Variants in ZDHHC16 observed in about 807,000 individuals in gnomAD.
ZDHHC16 encodes the protein zDHHC palmitoyltransferase 16.
In ZDHHC16, 33 loss-of-function variants were observed where a neutral mutation model predicts 54.4. That is an observed-to-expected ratio of 0.61 (90% CI 0.46 to 0.81). The LOEUF is 0.81. Ranked by LOEUF, ZDHHC16 falls within the 30% of genes least tolerant of loss-of-function variation. ZDHHC16 has a pLI of 0.00. For synonymous variants in ZDHHC16, 185 were observed against 182.1 expected (o/e 1.02, Z -0.13); for missense variants, 420 against 485.9 (o/e 0.86, Z 1.28).
chr10:97,452,996 A>AT, intron 6 of ZDHHC16, 73 bp downstream of exon 6: 2 of 1,592,032 alleles, frequency 1.3e-6, no homozygotes, highest in Non-Finnish European at 1.7e-6. Flanking sequence ...AATGGCCACC[A>AT]TTTTAGCATC....
At chr10:97,454,231 G>GC (rs951040283) in intron 8 of ZDHHC16, among the ~76,000 whole-genome samples, 15 of 152,168 alleles carry the variant, frequency 9.9e-5, no homozygotes, top group Non-Finnish European at 1.8e-4. Flanking sequence ...GATCATCCCT[G>GC]CCCCCCCAGT....
At chr10:97,454,839 GA>G (rs764713646) in intron 9 of ZDHHC16, 40 bp downstream of exon 9, 1 of 1,601,708 alleles carries the variant, frequency 6.2e-7, no homozygotes, top group Non-Finnish European at 8.5e-7. Context: ...GGAAGCTTCA[GA>G]AAAAAAGTTT....
rs1049035899 is a variant in ZDHHC16, at chr10:97,446,263, G to C, written c.-276G>C. 2 of 545,342 alleles carry C rather than the reference G, an allele frequency of 3.7e-6. No homozygotes were observed. Among genetic ancestry groups the C allele is most frequent in the African/African-American group, 3.9e-5 (2 of 51,468 alleles). The allele number at this position is 545,342 out of a possible 1,614,324, so 33.8% of individuals were successfully genotyped here. A position where few individuals can be genotyped will look rare whatever the true frequency, so the allele number is the denominator to read the frequency against. On this transcript the variant is annotated 5_prime_UTR_variant, in exon 1 of 12. Transcript: ENST00000393760. ...TGGTGGTTTGGATTGAGCCGGGCCC[G>C]GCCGGGGCGCCGAGTCGGAGGGGGT...
At chr10:97,453,942 G>A (rs1303535565) in intron 8 of ZDHHC16, 96 bp downstream of exon 8, 13 of 1,558,398 alleles carry the variant, frequency 8.3e-6, no homozygotes, top group Non-Finnish European at 1.1e-5. Context: ...TAGTTGTAGA[G>A]GCTGCCGAGA....
At chr10:97,451,415 A>G (rs1846596333) in intron 2 of ZDHHC16, among the ~76,000 whole-genome samples, 1 of 152,194 alleles carries the variant, frequency 6.6e-6, no homozygotes, top group Non-Finnish European at 1.5e-5. Context: ...TTGCTATGCA[A>G]CCATGTGGTG....
At chr10:97,452,786 T>G in intron 5 of ZDHHC16, 109 bp from the exon 6 acceptor site, 2 of 1,465,814 alleles carry the variant, frequency 1.4e-6, no homozygotes, top group Non-Finnish European at 1.9e-6. Context: ...GTCTTCAAAG[T>G]CTGTGCCCTT....
chr10:97,452,312 A>G (rs1846716994), intron 4 of ZDHHC16, 28 bp downstream of exon 4: 22 of 1,613,332 alleles, frequency 1.4e-5, no homozygotes, highest in Non-Finnish European at 1.8e-5. Context: ...CACTGGGGGA[A>G]GTTGCTGGCT....
In ZDHHC16 at chr10:97,452,414, G is replaced by C. The variant is rs1289734656; in HGVS notation, c.439-1G>C. The C allele has an allele frequency of 6.2e-7, 1 of 1,614,090 alleles. No homozygotes were observed. Among genetic ancestry groups the C allele is most frequent in the Non-Finnish European group, 8.5e-7 (1 of 1,179,984 alleles). Reference sequence around the variant, plus strand: ...CCACGTTATGCTCTCCCTTCACACAGGGCAGGAATGATATCGCCACCGTCT... The same window carrying C: ...CCACGTTATGCTCTCCCTTCACACACGGCAGGAATGATATCGCCACCGTCT... On this transcript the variant is annotated splice_acceptor_variant, in intron 4 of 11. Coordinates refer to ENST00000393760, the MANE Select transcript of ZDHHC16 (RefSeq NM_198046.3). LOFTEE classifies it high-confidence loss of function.
chr10:97,455,557 G>A lies in ZDHHC16; in HGVS notation c.825-103G>A, dbSNP rs187978002. ...ATGGTGGGAGGTGAGGAAGACTTAGGTAGAGAGGTTCCAAACCAGTTGTTA... is the reference window on the plus strand; with the variant it reads ...ATGGTGGGAGGTGAGGAAGACTTAGATAGAGAGGTTCCAAACCAGTTGTTA... On this transcript the variant is annotated intron_variant, in intron 9 of 11. Coordinates refer to ENST00000393760, the MANE Select transcript of ZDHHC16 (RefSeq NM_198046.3). The A allele has an allele frequency of 5.7e-4, 911 of 1,585,678 alleles. 4 individuals carry two copies. The highest frequency in any genetic ancestry group is 3.0e-3 in the Middle Eastern group (18 of 5,952).
rs1474507861 is a variant in ZDHHC16, at chr10:97,450,456, T to G, written c.-86T>G. 4.6e-5 allele frequency: 7 copies of G among 152,262 alleles called. No homozygotes were observed. The highest frequency in any genetic ancestry group is 7.3e-5 in the Non-Finnish European group (5 of 68,060). The allele number at this position is 152,262 out of a possible 1,614,324, so 9.4% of individuals were successfully genotyped here. ...TGGAGCAGCCTCCTCCAGTTTCTGT[T>G]GGGTTTTGAGCTACCTGTTAAATAA... On this transcript the variant is annotated 5_prime_UTR_variant, in exon 2 of 12. Transcript: ENST00000393760.
At chr10:97,454,539 A>T (rs886751838) in intron 8 of ZDHHC16, among the ~76,000 whole-genome samples, 175 bp from the exon 9 acceptor site, 3 of 152,138 alleles carry the variant, frequency 2.0e-5, no homozygotes, top group African/African-American at 7.2e-5. Context: ...GTGTTTGTCC[A>T]TGTGGTGATG....
intron 8 of ZDHHC16, among the ~76,000 whole-genome samples, chr10:97,454,259 A>C (rs988074586): frequency 9.2e-5 from 14 of 152,126 alleles, no homozygotes; most frequent in Non-Finnish European, 1.6e-4. Flanking sequence ...AGGACTCCCT[A>C]ATCTGCTGAG....
At chr10:97,446,594 G>A (rs1049391660) in intron 1 of ZDHHC16, among the ~76,000 whole-genome samples, 1 of 152,282 alleles carries the variant, frequency 6.6e-6, no homozygotes, top group Non-Finnish European at 1.5e-5. Context: ...TTCAGAGACA[G>A]GGTTTGACTT....
rs759828597 is a variant in ZDHHC16 at position 97,451,947 on chromosome 10, G to A, written c.243+29G>A. 2.5e-6 allele frequency: 4 copies of A among 1,594,832 alleles called. No individual in the cohort carries two copies. In the East Asian group the frequency reaches 9.0e-5, roughly 36 times the overall value. On this transcript the variant is annotated intron_variant, in intron 3 of 11. Transcript: ENST00000393760. ...AGTGATGTCCAGGGAGCAGGAAAAG[G>A]GGTGTTGTGGGGAGCAGAGGGACAT...
At position 97,456,822 on chromosome 10, in the gene ZDHHC16, T is replaced by A. The variant is rs748969115; in HGVS notation, c.1065T>A (p.His355Gln). 1 of 1,613,748 alleles carries A rather than the reference T, an allele frequency of 6.2e-7. No individual in the cohort carries two copies. The highest frequency in any genetic ancestry group is 1.3e-5 in the African/African-American group (1 of 74,912). The part of the protein sequence containing the change: ...RVLLPSSHLP[H>Q]GNGMSWEPPP... Reference sequence around the variant, plus strand: ...TCTTACCTTCTAGTCACTTGCCCCATGGGAATGGAATGAGCTGGGAGCCCC... The same window carrying A: ...TCTTACCTTCTAGTCACTTGCCCCAAGGGAATGGAATGAGCTGGGAGCCCC... The change falls in exon 12 of 12, where the codon CAT becomes CAA. Residue 355 changes from histidine to glutamine, a missense_variant. His to Gln is a conservative substitution (Grantham distance 24). Transcript: ENST00000393760.
intron 7 of ZDHHC16, 33 bp downstream of exon 7, chr10:97,453,696 T>C (rs368982566): frequency 3.5e-5 from 57 of 1,614,114 alleles, no homozygotes; most frequent in Non-Finnish European, 4.6e-5. Flanking sequence ...AGCTCAGTAG[T>C]GCAGAACTTC....
chr10:97,454,731 A>G lies in ZDHHC16; in HGVS notation c.756A>G (p.Pro252=). ...AVANQTYHQT[P]PPTFSFRERM... Reference sequence around the variant, plus strand: ...TTTTCTAGACTTATCACCAGACCCCACCACCCACCTTCTCCTTTCGAGAAA... The same window carrying G: ...TTTTCTAGACTTATCACCAGACCCCGCCACCCACCTTCTCCTTTCGAGAAA... The change falls in exon 9 of 12, where the codon CCA becomes CCG. Residue 252 remains proline, a synonymous_variant. Transcript: ENST00000393760. 1 of 1,614,070 alleles carries G rather than the reference A, an allele frequency of 6.2e-7. No individual in the cohort carries two copies. The highest frequency in any genetic ancestry group is 8.5e-7 in the Non-Finnish European group (1 of 1,179,992).
At chr10:97,454,873 G>A in intron 9 of ZDHHC16, 74 bp downstream of exon 9, 1 of 1,317,192 alleles carries the variant, frequency 7.6e-7, no homozygotes, top group Non-Finnish European at 1.1e-6. Context: ...CACGCAGGCA[G>A]AAACCCATTC....
rs1271450365 is a variant in ZDHHC16 at position 97,451,732 on chromosome 10, T to G, written c.57T>G (p.Leu19=). ...LGPARLCLRL[L]LLLGYRRRCP... ...CGGCCCGCCTCTGCCTCCGCCTCCTTCTGCTGCTGGGTTACAGGCGCCGCT... is the reference window on the plus strand; with the variant it reads ...CGGCCCGCCTCTGCCTCCGCCTCCTGCTGCTGCTGGGTTACAGGCGCCGCT... Residue 19 remains leucine, a synonymous_variant, in exon 3 of 12, where the codon CTT becomes CTG. Coordinates refer to ENST00000393760, the MANE Select transcript of ZDHHC16 (RefSeq NM_198046.3). The G allele has an allele frequency of 2.5e-6, 4 of 1,613,488 alleles. No homozygotes were observed. Among genetic ancestry groups the G allele is most frequent in the Non-Finnish European group, 2.5e-6 (3 of 1,180,014 alleles).
Sources: allele counts gnomAD v4.1 joint callset (sites outside exome capture counted in the v4.1 genomes callset), GRCh38; gene constraint gnomAD v4.1.1; transcripts MANE v1.5; gene names NCBI Gene and HGNC (gene_info 2026-07-23, HGNC 2026-07-21).